Variants in BCL2L11 observed in about 807,000 individuals in gnomAD.
The protein encoded by BCL2L11 is BCL2 like 11.
BCL2L11 carries 15 observed loss-of-function variants against 20.6 expected under a neutral mutation model. The observed-to-expected ratio is 0.73, with a 90% confidence interval of 0.49 to 1.12. The LOEUF is 1.12. Among genes scored for constraint, BCL2L11 ranks in the 50% most tolerant of loss-of-function variants. The probability of loss-of-function intolerance (pLI) is 0.00; values close to 1 mark genes in which losing one functional copy is unlikely to be tolerated. For missense variants in BCL2L11, 292 were observed against 260.9 expected (o/e 1.12, Z -0.82); for synonymous variants, 108 against 92.8 (o/e 1.16, Z -0.94).
At chr2:111,133,712 G>A (rs751805479) in intron 2 of BCL2L11, among the ~76,000 whole-genome samples, 15 of 152,180 alleles carry the variant, frequency 9.9e-5, no homozygotes, top group Non-Finnish European at 1.9e-4. Flanking sequence ...ATTGGGTAGA[G>A]TGTTCGTTAT....
At position 111,151,932 on chromosome 2, in the gene BCL2L11, C is replaced by T. The variant is rs2077305264; in HGVS notation, c.498+1785C>T. On this transcript the variant is annotated intron_variant, in intron 3 of 3. Coordinates refer to ENST00000393256, the MANE Select transcript of BCL2L11 (RefSeq NM_138621.5). ...AACTTTGGTTGGTTTTATAACTTGT[C>T]ACTGAAGTAACCATTCCCTCCAGTT... 4.8e-6 allele frequency: 7 copies of T among 1,463,886 alleles called. No individual in the cohort carries two copies. In the Admixed American group the frequency reaches 9.8e-5, roughly 21 times the overall value. The allele number at this position is 1,463,886 out of a possible 1,614,324, so 90.7% of individuals were successfully genotyped here.
intron 2 of BCL2L11, among the ~76,000 whole-genome samples, chr2:111,135,901 A>G (rs893207291): frequency 6.6e-6 from 1 of 152,114 alleles, no homozygotes; most frequent in African/African-American, 2.4e-5. Context: ...CCCTACTAAC[A>G]CTGCTTTGGC....
chr2:111,160,539 A>C (rs2078429534), intron 3 of BCL2L11, among the ~76,000 whole-genome samples: 1 of 152,182 alleles, frequency 6.6e-6, no homozygotes, highest in Non-Finnish European at 1.5e-5. Context: ...TTCTGGACAC[A>C]TGGGATGGCC....
intron 2 of BCL2L11, among the ~76,000 whole-genome samples, chr2:111,144,993 A>G (rs1340548942): frequency 2.0e-5 from 3 of 152,162 alleles, no homozygotes; most frequent in African/African-American, 7.2e-5. Flanking sequence ...ATGTGTGTAA[A>G]ATCCTCTCTC....
At chr2:111,134,949 A>C (rs1384655526) in intron 2 of BCL2L11, among the ~76,000 whole-genome samples, 1 of 152,186 alleles carries the variant, frequency 6.6e-6, no homozygotes, top group Non-Finnish European at 1.5e-5. Flanking sequence ...TTTTAGTATT[A>C]AGAAGTTTAA....
At chr2:111,144,442 C>A in intron 2 of BCL2L11, 8 of 1,546,956 alleles carry the variant, frequency 5.2e-6, no homozygotes, top group Non-Finnish European at 7.0e-6. Flanking sequence ...ATTCTGATAG[C>A]ATTTACCGCA....
chr2:111,156,952 CT>C (rs1288663369), intron 3 of BCL2L11, among the ~76,000 whole-genome samples: 15 of 152,318 alleles, frequency 9.8e-5, no homozygotes, highest in African/African-American at 3.6e-4. Context: ...ACCTGTCTAT[CT>C]TTTAAATACT....
rs1395276247 is a variant in BCL2L11, at chr2:111,168,154, CTTATGTTTT to C, written c.*3924_*3932del. ...GGGAATTTCAGACTATAGAAGCTCTCTTATGTTTTATGTCCAGATTCTGTGACCACTAGT... is the reference window on the plus strand; with the variant it reads ...GGGAATTTCAGACTATAGAAGCTCTCATGTCCAGATTCTGTGACCACTAGT... On this transcript the variant is annotated 3_prime_UTR_variant, in exon 4 of 4. Coordinates refer to ENST00000393256, the MANE Select transcript of BCL2L11 (RefSeq NM_138621.5). The C allele has an allele frequency of 3.3e-5, 5 of 152,456 alleles. No individual in the cohort carries two copies. Among genetic ancestry groups the C allele is most frequent in the African/African-American group, 1.2e-4 (5 of 41,368 alleles). The allele number at this position is 152,456 out of a possible 1,614,324, so 9.4% of individuals were successfully genotyped here. A position where few individuals can be genotyped will look rare whatever the true frequency, so the allele number is the denominator to read the frequency against.
chr2:111,129,679 T>G lies in BCL2L11; in HGVS notation c.394+5540T>G, dbSNP rs2073492219. Among the ~76,000 whole-genome samples the G allele has an allele frequency of 3.9e-5, 6 of 152,318 alleles. No homozygotes were observed. The South Asian group carries it at 1.0e-3, about 26-fold the overall frequency. On this transcript the variant is annotated intron_variant, in intron 2 of 3. Transcript: ENST00000393256. The stretch of plus-strand genomic sequence containing the variant: ...TTTACTTCTATTCAGGTTTATCAAA[T>G]GTGTAGATTTGTATGGCCGCCACCA...
At chr2:111,126,315 A>G (rs547111934) in intron 2 of BCL2L11, among the ~76,000 whole-genome samples, 4 of 152,296 alleles carry the variant, frequency 2.6e-5, no homozygotes, top group South Asian at 4.1e-4. Flanking sequence ...TCATAATCTA[A>G]ATAATTATGC....
At chr2:111,146,541 G>C (rs73954959) in intron 2 of BCL2L11, among the ~76,000 whole-genome samples, 2,443 of 152,246 alleles carry the variant, frequency 0.016, 66 homozygotes, top group African/African-American at 0.055. Context: ...AGACCATACC[G>C]GTGGATCCCT....
rs2078927905 is a variant in BCL2L11, at chr2:111,164,451, A to AGG, written c.*222_*223dup. 7 of 451,226 alleles carry AGG rather than the reference A, an allele frequency of 1.6e-5. No homozygotes were observed. The highest frequency in any genetic ancestry group is 1.9e-5 in the African/African-American group (1 of 51,888). 28.0% of individuals were successfully genotyped at this position (451,226 alleles called of 1,614,324 possible). On this transcript the variant is annotated 3_prime_UTR_variant, in exon 4 of 4. Coordinates refer to ENST00000393256, the MANE Select transcript of BCL2L11 (RefSeq NM_138621.5). ...TGGAAGTTTGTTGTGAATGTAAAGG[A>AGG]GGGAGCATTCTTTGCTTTTTAATAT...
chr2:111,162,318 A>G (rs908276245), intron 3 of BCL2L11, among the ~76,000 whole-genome samples: 1 of 152,214 alleles, frequency 6.6e-6, no homozygotes, highest in Non-Finnish European at 1.5e-5. Flanking sequence ...ATCCCCGCAC[A>G]CTTGCAGACT....
chr2:111,131,308 G>C (rs1258769033), intron 2 of BCL2L11: 1 of 151,802 alleles, frequency 6.6e-6, no homozygotes, highest in Non-Finnish European at 1.5e-5. Context: ...TGTTCAGGTT[G>C]TCTGTTTCTT....
In BCL2L11 at chr2:111,124,095, C is replaced by T. The variant is rs2071910514; in HGVS notation, c.350C>T (p.Pro117Leu). The change falls in exon 2 of 4, where the codon CCA becomes CTA. Residue 117 changes from proline to leucine, a missense_variant. Pro to Leu is a moderately conservative substitution (Grantham distance 98). Transcript: ENST00000393256. ...PMSCDKSTQT[P>L]SPPCQAFNHY... ...AGTTGTGACAAATCAACACAAACCC[C>T]AAGTCCTCCTTGCCAGGCCTTCAAC... 6.2e-7 allele frequency: 1 copy of T among 1,613,568 alleles called. No individual in the cohort carries two copies. Among genetic ancestry groups the T allele is most frequent in the Non-Finnish European group, 8.5e-7 (1 of 1,179,896 alleles).
intron 3 of BCL2L11, among the ~76,000 whole-genome samples, chr2:111,160,536 C>T (rs17041889): frequency 0.035 from 5,268 of 152,248 alleles, 327 homozygotes; most frequent in African/African-American, 0.12. Context: ...ATCTTCTGGA[C>T]ACATGGGATG....
intron 2 of BCL2L11, among the ~76,000 whole-genome samples, chr2:111,146,486 G>T (rs571689344): frequency 6.6e-6 from 1 of 152,182 alleles, no homozygotes; most frequent in Non-Finnish European, 1.5e-5. Context: ...TGTGTTTGGA[G>T]ATTTCTGTAT....
chr2:111,151,740 G>A, intron 3 of BCL2L11: 2 of 1,132,468 alleles, frequency 1.8e-6, no homozygotes, highest in South Asian at 1.3e-5. Context: ...TGTTTGAGGA[G>A]AGTGCTGTAG....
At chr2:111,153,909 G>T in intron 3 of BCL2L11, 1 of 1,540,024 alleles carries the variant, frequency 6.5e-7, no homozygotes, top group Non-Finnish European at 8.8e-7. Context: ...GCACAGGTGA[G>T]CGCAAAGTCC....
Sources: gnomAD v4.1 joint callset for allele counts (sites outside exome capture counted in the v4.1 genomes callset) on GRCh38, gnomAD v4.1.1 for gene constraint, MANE v1.5 for transcripts, NCBI Gene and HGNC (gene_info 2026-07-23, HGNC 2026-07-21) for gene names.